The following TBC1D4 variants were observed in gnomAD, a reference collection of about 807,000 sequenced individuals.
TBC1D4 encodes the protein TBC (Tre-2, BUB2, CDC16) domain-containing protein.
TBC1D4 carries 121 observed loss-of-function variants against 142.5 expected under a neutral mutation model. The ratio of observed to expected loss-of-function variants is 0.85; its 90% CI spans 0.73 to 0.99. TBC1D4 has a LOEUF of 0.99. TBC1D4 is among the 50% of genes least tolerant of loss of function. TBC1D4 has a pLI of 0.00. For missense variants in TBC1D4, 1,475 were observed against 1,606.6 expected (o/e 0.92, Z 1.40); for synonymous variants, 630 against 628.2 (o/e 1.00, Z -0.04).
intron 1 of TBC1D4, among the ~76,000 whole-genome samples, chr13:75,368,539 C>T (rs940188274): frequency 2.6e-5 from 4 of 152,198 alleles, no homozygotes; most frequent in Non-Finnish European, 5.9e-5. Context: ...CTAAGTTAGG[C>T]CAAATTGTCA....
chr13:75,448,006 G>A (rs139253131), intron 1 of TBC1D4, among the ~76,000 whole-genome samples: 186 of 152,110 alleles, frequency 1.2e-3, no homozygotes, highest in African/African-American at 4.3e-3. Context: ...GAAATAAAGT[G>A]CACAATAAAT....
Position 75,284,984 on chromosome 13 carries a change from A to T in TBC1D4, c.*1808T>A, listed in dbSNP as rs575339926. The T allele has an allele frequency of 1.7e-4, 26 of 152,280 alleles. No homozygotes were observed. The highest frequency in any genetic ancestry group is 6.3e-4 in the African/African-American group (26 of 41,566). 9.4% of individuals were successfully genotyped at this position (152,280 alleles called of 1,614,324 possible). ...CATCGGTGCATCACACCCATAAAGT[A>T]ATTGTCATCAACAGACCGTAAAAAG... On this transcript the variant is annotated 3_prime_UTR_variant, in exon 21 of 21. Transcript: ENST00000377636.
Position 75,349,243 on chromosome 13 carries a change from A to T in TBC1D4, c.1335T>A (p.Ser445Arg), listed in dbSNP as rs1363512721. ...QAFSTAAALQ[S>R]AKTQIKLCEA... is the part of the protein sequence containing the mutation. ...CACACAGTTTAATCTGCGTCTTGGC[A>T]CTCTGCAGGGCAGCCGCCGTACTGA... Residue 445 changes from serine to arginine, a missense_variant, in exon 5 of 21, where the codon AGT becomes AGA. Transcript: ENST00000377636. 1 of 1,613,858 alleles carries T rather than the reference A, an allele frequency of 6.2e-7. No individual in the cohort carries two copies. Among genetic ancestry groups the T allele is most frequent in the Non-Finnish European group, 8.5e-7 (1 of 1,179,912 alleles).
chr13:75,460,448 C>T (rs575409180), intron 1 of TBC1D4, among the ~76,000 whole-genome samples: 1 of 152,162 alleles, frequency 6.6e-6, no homozygotes, highest in African/African-American at 2.4e-5. Context: ...AGGGCATTCC[C>T]AACAAAAAGA....
intron 11 of TBC1D4, 141 bp from the exon 12 acceptor site, chr13:75,320,178 A>C: frequency 1.2e-6 from 1 of 859,564 alleles, no homozygotes; most frequent in Non-Finnish European, 1.8e-6. Context: ...GAATAATTAT[A>C]CCTTTTTTTT....
chr13:75,302,576 C>G, intron 15 of TBC1D4, 175 bp from the exon 16 acceptor site: 1 of 693,226 alleles, frequency 1.4e-6, no homozygotes, highest in East Asian at 2.7e-5. Flanking sequence ...TCCTATAGCT[C>G]TTGATGCCTT....
intron 5 of TBC1D4, among the ~76,000 whole-genome samples, chr13:75,348,499 T>C (rs150031188): frequency 6.6e-6 from 1 of 152,360 alleles, no homozygotes; most frequent in East Asian, 1.9e-4. Context: ...CTAGTGTTTA[T>C]TAAATTGTGT....
chr13:75,327,699 C>T (rs1290998439), intron 9 of TBC1D4, 53 bp downstream of exon 9: 18 of 1,530,544 alleles, frequency 1.2e-5, no homozygotes, highest in South Asian at 6.7e-5. Context: ...ATTACCATAT[C>T]GGTGCTGACT....
intron 4 of TBC1D4, among the ~76,000 whole-genome samples, chr13:75,354,255 A>G (rs772843472): frequency 4.6e-5 from 7 of 152,238 alleles, no homozygotes; most frequent in Non-Finnish European, 8.8e-5. Flanking sequence ...GTCCCTTAAC[A>G]GTGAGGCATA....
intron 20 of TBC1D4, among the ~76,000 whole-genome samples, chr13:75,288,300 T>G (rs1874901589): frequency 1.3e-5 from 2 of 152,094 alleles, no homozygotes; most frequent in Non-Finnish European, 2.9e-5. Context: ...CCTCCTTACC[T>G]TCTCTCCCAT....
intron 1 of TBC1D4, among the ~76,000 whole-genome samples, chr13:75,432,095 A>C (rs1458480464): frequency 6.6e-6 from 1 of 152,210 alleles, no homozygotes; most frequent in Admixed American, 6.5e-5. Context: ...TAGCTTAAGC[A>C]AATAAAGAGC....
At chr13:75,450,311 G>C (rs1181925875) in intron 1 of TBC1D4, among the ~76,000 whole-genome samples, 1 of 152,108 alleles carries the variant, frequency 6.6e-6, no homozygotes, top group East Asian at 1.9e-4. Flanking sequence ...ACTTCATTTA[G>C]TGTAATAGCA....
At chr13:75,374,566 T>C (rs1429137144) in intron 1 of TBC1D4, among the ~76,000 whole-genome samples, 2 of 152,180 alleles carry the variant, frequency 1.3e-5, no homozygotes, top group East Asian at 3.8e-4. Flanking sequence ...GTGCTTCCAT[T>C]ATAATCAATG....
At chr13:75,411,489 G>C (rs1885658073) in intron 1 of TBC1D4, among the ~76,000 whole-genome samples, 1 of 152,112 alleles carries the variant, frequency 6.6e-6, no homozygotes, top group Non-Finnish European at 1.5e-5. Flanking sequence ...TGTAGTGACA[G>C]CCCCAATTTA....
chr13:75,397,415 A>C (rs1319309575), intron 1 of TBC1D4, among the ~76,000 whole-genome samples: 1 of 152,228 alleles, frequency 6.6e-6, no homozygotes, highest in Non-Finnish European at 1.5e-5. Context: ...GGAAAAGAGA[A>C]GGAAAGGCAG....
intron 1 of TBC1D4, among the ~76,000 whole-genome samples, chr13:75,383,652 A>T (rs1014530418): frequency 1.3e-5 from 2 of 152,016 alleles, no homozygotes; most frequent in Admixed American, 6.6e-5. Flanking sequence ...ATTGTTGCTA[A>T]TTTCTTGCTG....
chr13:75,404,067 C>T (rs56310109), intron 1 of TBC1D4, among the ~76,000 whole-genome samples: 79,757 of 122,922 alleles, frequency 0.65, 25,334 homozygotes, highest in East Asian at 0.96. Context: ...TATACATACA[C>T]ACACACACAC....
chr13:75,384,556 T>C (rs919693047), intron 1 of TBC1D4, among the ~76,000 whole-genome samples: 1 of 68,386 alleles, frequency 1.5e-5, no homozygotes, highest in South Asian at 3.6e-4. Flanking sequence ...CCAGAAAAGA[T>C]AAAGGAAAAA....
At chr13:75,292,370 T>A in intron 18 of TBC1D4, 99 bp from the exon 19 acceptor site, 1 of 1,066,894 alleles carries the variant, frequency 9.4e-7, no homozygotes, top group Non-Finnish European at 1.4e-6. Flanking sequence ...TTGTTTTATG[T>A]ATTTTGCAGA....
Sources: allele counts gnomAD v4.1 joint callset (sites outside exome capture counted in the v4.1 genomes callset), GRCh38; gene constraint gnomAD v4.1.1; transcripts MANE v1.5; gene names NCBI Gene and HGNC (gene_info 2026-07-23, HGNC 2026-07-21).